POLR2F: variants seen among roughly 807,000 people sequenced by gnomAD.
The protein encoded by POLR2F is RNA polymerase II, I and III subunit F.
POLR2F carries 12 observed loss-of-function variants against 22.7 expected under a neutral mutation model. That is an observed-to-expected ratio of 0.53 (90% CI 0.34 to 0.86). The LOEUF (loss-of-function observed/expected upper bound fraction) is 0.86. POLR2F is among the 40% of genes least tolerant of loss of function. The probability of loss-of-function intolerance (pLI) is 0.02; values close to 1 mark genes in which losing one functional copy is unlikely to be tolerated. For synonymous variants in POLR2F, 57 were observed against 66.0 expected (o/e 0.86, Z 0.66); for missense variants, 126 against 171.5 (o/e 0.73, Z 1.48).
At chr22:38,005,613 T>C (rs549877428) in intron 1 of POLR2F, among the ~76,000 whole-genome samples, 82 of 152,242 alleles carry the variant, frequency 5.4e-4, no homozygotes, top group Non-Finnish European at 1.0e-3. Flanking sequence ...TGGAAGGCAG[T>C]TGGTGATAGA....
chr22:38,034,177 TC>T, intron 5 of POLR2F: 1 of 169,278 alleles, frequency 5.9e-6, no homozygotes, highest in Non-Finnish European at 1.4e-5. Context: ...CCACCATCTG[TC>T]CCCCAGCTCC....
chr22:37,968,907 A>G lies in POLR2F; in HGVS notation c.*1192A>G, dbSNP rs1183087551. On this transcript the variant is annotated 3_prime_UTR_variant, in exon 5 of 5. Transcript: ENST00000442738. ...GCCCTGGAGAAGGGTTAATTCAGGG[A>G]GCAGTGGACTTCACACTCCCATCCA... 1.0e-6 allele frequency: 1 copy of G among 985,168 alleles called. No homozygotes were observed. Among genetic ancestry groups the G allele is most frequent in the Admixed American group, 6.1e-5 (1 of 16,266 alleles). The allele number at this position is 985,168 out of a possible 1,614,324, so 61.0% of individuals were successfully genotyped here. A position where few individuals can be genotyped will look rare whatever the true frequency, so the allele number is the denominator to read the frequency against.
At chr22:37,977,740 G>T in intron 4 of POLR2F, 1 of 1,056,794 alleles carries the variant, frequency 9.5e-7, no homozygotes, top group Non-Finnish European at 1.4e-6. Context: ...GGCCCCTGCA[G>T]CTCTGCTGGG....
At chr22:38,030,482 C>T (rs935919381), downstream of POLR2F, among the ~76,000 whole-genome samples, 6 of 152,212 alleles carry the variant, frequency 3.9e-5, no homozygotes, top group African/African-American at 1.4e-4. Flanking sequence ...GCGCTGACTC[C>T]AGCGCACTGC....
At chr22:37,961,564 C>T (rs776345380) in intron 3 of POLR2F, among the ~76,000 whole-genome samples, 5 of 152,134 alleles carry the variant, frequency 3.3e-5, no homozygotes, top group Non-Finnish European at 5.9e-5. Flanking sequence ...ATGCGAGTGT[C>T]CAATGAGTGC....
chr22:37,995,836 T>TAAA (rs66823363), intron 1 of POLR2F, among the ~76,000 whole-genome samples: 6 of 142,642 alleles, frequency 4.2e-5, no homozygotes, highest in African/African-American at 1.3e-4. Flanking sequence ...TACTAAAAAT[T>TAAA]AAAAAAAAAA....
downstream of POLR2F, among the ~76,000 whole-genome samples, chr22:38,026,970 G>A (rs1046634804): frequency 6.6e-6 from 1 of 152,126 alleles, no homozygotes; most frequent in African/African-American, 2.4e-5. Flanking sequence ...TGTGTGGGTG[G>A]GTGGATGGAC....
rs928101228 is a variant in POLR2F, at chr22:37,968,500, G to A, written c.*785G>A. Reference sequence around the variant, plus strand: ...GCCTTGGGGACATGGTGCTGGGGTGGTGGTGCTCCTGGGTTCCAGGTGTTA... The same window carrying A: ...GCCTTGGGGACATGGTGCTGGGGTGATGGTGCTCCTGGGTTCCAGGTGTTA... On this transcript the variant is annotated 3_prime_UTR_variant, in exon 5 of 5. Transcript: ENST00000442738. 8.6e-5 allele frequency: 85 copies of A among 985,862 alleles called. No individual in the cohort carries two copies. Among genetic ancestry groups the A allele is most frequent in the Admixed American group, 1.2e-4 (2 of 16,270 alleles). The allele number at this position is 985,862 out of a possible 1,614,324, so 61.1% of individuals were successfully genotyped here.
intron 1 of POLR2F, among the ~76,000 whole-genome samples, chr22:38,014,087 A>C (rs1473649964): frequency 1.4e-5 from 2 of 148,140 alleles, no homozygotes; most frequent in Non-Finnish European, 3.0e-5. Context: ...ACGCCATTGC[A>C]CTCCAGCCTG....
At chr22:38,012,117 T>G (rs1470395551) in intron 1 of POLR2F, among the ~76,000 whole-genome samples, 1 of 151,254 alleles carries the variant, frequency 6.6e-6, no homozygotes, top group East Asian at 1.9e-4. Context: ...AGTCTTGCTC[T>G]GTCGCCTAGG....
chr22:38,000,584 T>C (rs1280142299), intron 1 of POLR2F, among the ~76,000 whole-genome samples: 1 of 152,220 alleles, frequency 6.6e-6, no homozygotes, highest in Non-Finnish European at 1.5e-5. Flanking sequence ...CTCTGCAGTC[T>C]GTGCAGGGCA....
In POLR2F at chr22:37,966,975, G is replaced by A. The variant is rs543301770; in HGVS notation, c.222-124G>A. 5 of 676,048 alleles carry A rather than the reference G, an allele frequency of 7.4e-6. No homozygotes were observed. The Admixed American group carries it at 1.3e-4, about 18-fold the overall frequency. The allele number at this position is 676,048 out of a possible 1,614,324, so 41.9% of individuals were successfully genotyped here. A position where few individuals can be genotyped will look rare whatever the true frequency, so the allele number is the denominator to read the frequency against. The stretch of plus-strand genomic sequence containing the variant: ...GTGCCCCTACACACCACTCCCTACT[G>A]TGCCTGCCTACCTAGAAGATGACGT... On this transcript the variant is annotated intron_variant, in intron 3 of 4. Transcript: ENST00000442738.
At chr22:38,027,376 C>T (rs1230490499), downstream of POLR2F, among the ~76,000 whole-genome samples, 1 of 152,022 alleles carries the variant, frequency 6.6e-6, no homozygotes, top group East Asian at 1.9e-4. Context: ...AGGCGTGTCA[C>T]CCATGTGGGG....
At chr22:37,977,891 C>G in intron 4 of POLR2F, 1 of 1,612,202 alleles carries the variant, frequency 6.2e-7, no homozygotes, top group Admixed American at 1.7e-5. Context: ...GGGTTCCCAT[C>G]TGACATGGGG....
At chr22:38,030,803 T>C (rs1022760308), downstream of POLR2F, among the ~76,000 whole-genome samples, 2 of 151,974 alleles carry the variant, frequency 1.3e-5, no homozygotes, top group Non-Finnish European at 2.9e-5. Context: ...AGGGTTGTGC[T>C]GGGAAGGCCT....
At chr22:38,018,948 G>A (rs2084937636) in intron 1 of POLR2F, among the ~76,000 whole-genome samples, 1 of 152,206 alleles carries the variant, frequency 6.6e-6, no homozygotes, top group Non-Finnish European at 1.5e-5. Flanking sequence ...TCTCCAGGGA[G>A]AACCAGGCCA....
intron 1 of POLR2F, among the ~76,000 whole-genome samples, chr22:38,005,038 G>T (rs996202549): frequency 6.6e-6 from 1 of 152,220 alleles, no homozygotes; most frequent in Non-Finnish European, 1.5e-5. Context: ...GGAGCCATTG[G>T]TTTTTAACTG....
chr22:38,006,831 A>G (rs1318935631), intron 1 of POLR2F, among the ~76,000 whole-genome samples: 1 of 152,138 alleles, frequency 6.6e-6, no homozygotes, highest in Non-Finnish European at 1.5e-5. Flanking sequence ...CCACATCTGC[A>G]TGGTGGGGAT....
intron 1 of POLR2F, among the ~76,000 whole-genome samples, chr22:37,990,794 C>T (rs1403205978): frequency 6.6e-6 from 1 of 152,252 alleles, no homozygotes; most frequent in African/African-American, 2.4e-5. Context: ...GTAAAATCAG[C>T]AGGCTAGCTG....
Sources: allele counts gnomAD v4.1 joint callset (sites outside exome capture counted in the v4.1 genomes callset), GRCh38; gene constraint gnomAD v4.1.1; transcripts MANE v1.5; gene names NCBI Gene and HGNC (gene_info 2026-07-23, HGNC 2026-07-21).